The following SPC25 variants were observed in gnomAD, a reference collection of about 807,000 sequenced individuals.
The protein encoded by SPC25 is SPC25 component of NDC80 kinetochore complex.
Under a neutral mutation model 29.6 loss-of-function variants are expected in SPC25, and 22 were observed. That is an observed-to-expected ratio of 0.74 (90% CI 0.53 to 1.06). The LOEUF is 1.06. SPC25 is among the 50% of genes least tolerant of loss of function. SPC25 has a pLI of 0.00. For missense variants in SPC25, 230 were observed against 255.8 expected (o/e 0.90, Z 0.69); for synonymous variants, 91 against 90.4 (o/e 1.01, Z -0.04).
At chr2:168,876,349 A>C (rs998122390) in intron 4 of SPC25, among the ~76,000 whole-genome samples, 173 bp from the exon 5 acceptor site, 5 of 152,068 alleles carry the variant, frequency 3.3e-5, no homozygotes, top group Admixed American at 3.3e-4. Flanking sequence ...CTGTTCATTC[A>C]AGTTGGAAGG....
At chr2:168,888,112 C>T (rs1274287562) in intron 3 of SPC25, among the ~76,000 whole-genome samples, 1 of 152,140 alleles carries the variant, frequency 6.6e-6, no homozygotes, top group East Asian at 1.9e-4. Flanking sequence ...AACCCCATCT[C>T]TACAAAAAAT....
At chr2:168,864,931 G>C in intron 4 of SPC25, 1 of 1,614,098 alleles carries the variant, frequency 6.2e-7, no homozygotes, top group Non-Finnish European at 8.5e-7. Context: ...ATGTGGAGGA[G>C]TTACCTTCAA....
chr2:168,868,906 A>G (rs1382117349), downstream of SPC25, among the ~76,000 whole-genome samples: 7 of 152,334 alleles, frequency 4.6e-5, no homozygotes, highest in East Asian at 7.7e-4. Flanking sequence ...ACAACAAAAA[A>G]AGAGAATTTT....
intron 4 of SPC25, among the ~76,000 whole-genome samples, chr2:168,862,783 T>C (rs1689548042): frequency 6.6e-6 from 1 of 152,104 alleles, no homozygotes; most frequent in African/African-American, 2.4e-5. Context: ...TTAGAAACCA[T>C]GTTTGAATGT....
At chr2:168,889,050 TATATATACATATATATATACAC>T (rs1690339777) in intron 3 of SPC25, among the ~76,000 whole-genome samples, 154 bp downstream of exon 3, 1 of 95,568 alleles carries the variant, frequency 1.0e-5, no homozygotes, top group Non-Finnish European at 2.0e-5. Context: ...TATATACACA[TATATATACATATATATATACAC>T]ATATATATAC....
At chr2:168,873,526 T>C (rs76045986) in intron 6 of SPC25, 59 bp downstream of exon 6, 4 of 1,203,360 alleles carry the variant, frequency 3.3e-6, no homozygotes, top group East Asian at 4.7e-5. Context: ...TATATGCTGA[T>C]TGAAATAACA....
At chr2:168,886,050 CTTTTT>C (rs66484575) in intron 3 of SPC25, among the ~76,000 whole-genome samples, 19 of 97,058 alleles carry the variant, frequency 2.0e-4, no homozygotes, top group African/African-American at 3.3e-4. Context: ...CGAATACAAT[CTTTTT>C]TTTTTTTTTT....
chr2:168,869,220 GC>G (rs1689932066), downstream of SPC25, among the ~76,000 whole-genome samples: 1 of 151,930 alleles, frequency 6.6e-6, no homozygotes, highest in African/African-American at 2.4e-5. Flanking sequence ...AATAATAAGA[GC>G]TATCTATGAC....
Position 168,890,383 on chromosome 2 carries a change from G to A in SPC25, c.-80C>T. On this transcript the variant is annotated 5_prime_UTR_variant, in exon 1 of 7. Transcript: ENST00000282074. ...AGATCCGCGCCCACTCTAGCCAACA[G>A]CCGGACTCTAGGCTCAGCTCCCGCA... 1.0e-6 allele frequency: 1 copy of A among 985,470 alleles called. No individual in the cohort carries two copies. Among genetic ancestry groups the A allele is most frequent in the Non-Finnish European group, 1.2e-6 (1 of 829,982 alleles). The allele number at this position is 985,470 out of a possible 1,614,324, so 61.0% of individuals were successfully genotyped here.
intron 5 of SPC25, among the ~76,000 whole-genome samples, chr2:168,875,706 T>C (rs190400483): frequency 1.3e-5 from 2 of 152,222 alleles, no homozygotes; most frequent in Admixed American, 1.3e-4. Flanking sequence ...TGCTAAACAA[T>C]AGGTAAATGG....
At chr2:168,878,054 C>CT (rs757026871) in intron 3 of SPC25, among the ~76,000 whole-genome samples, 1 of 152,058 alleles carries the variant, frequency 6.6e-6, no homozygotes, top group Non-Finnish European at 1.5e-5. Context: ...AAGCCTCACT[C>CT]TAATGCTATA....
chr2:168,873,937 A>G (rs1199422205), intron 5 of SPC25, among the ~76,000 whole-genome samples: 2 of 152,180 alleles, frequency 1.3e-5, no homozygotes, highest in African/African-American at 2.4e-5. Context: ...AAAGAACACT[A>G]TCAAGAGAAG....
At chr2:168,889,022 CACATATATAT>C (rs1288860908) in intron 3 of SPC25, among the ~76,000 whole-genome samples, 194 bp downstream of exon 3, 2 of 56,228 alleles carry the variant, frequency 3.6e-5, no homozygotes, top group Admixed American at 1.7e-4. Flanking sequence ...TATATATATA[CACATATATAT>C]ACATATATAT....
downstream of SPC25, among the ~76,000 whole-genome samples, chr2:168,869,415 T>C (rs1683694354): frequency 6.6e-6 from 1 of 152,212 alleles, no homozygotes; most frequent in South Asian, 2.1e-4. Context: ...GGAACTCAAA[T>C]TGTCCCTGTT....
chr2:168,876,342 T>G (rs1309227410), intron 4 of SPC25, among the ~76,000 whole-genome samples, 166 bp from the exon 5 acceptor site: 1 of 152,098 alleles, frequency 6.6e-6, no homozygotes, highest in African/African-American at 2.4e-5. Flanking sequence ...GAAGCTTCTG[T>G]TCATTCAAGT....
intron 4 of SPC25, among the ~76,000 whole-genome samples, chr2:168,865,870 C>T (rs954788931): frequency 2.0e-5 from 3 of 152,242 alleles, no homozygotes; most frequent in Admixed American, 1.3e-4. Context: ...CTCCCATTCA[C>T]AATTGCTTCA....
intron 6 of SPC25, among the ~76,000 whole-genome samples, 175 bp downstream of exon 6, chr2:168,873,410 A>G (rs1010026453): frequency 6.6e-6 from 1 of 152,200 alleles, no homozygotes; most frequent in Non-Finnish European, 1.5e-5. Context: ...GACAGTATCT[A>G]TAAATCAAGA....
In SPC25 at chr2:168,889,068, T is replaced by C. The variant is rs201644459; in HGVS notation, c.199+158A>G. Among the ~76,000 whole-genome samples, 21 of 40,348 alleles carry C rather than the reference T, an allele frequency of 5.2e-4. No individual in the cohort carries two copies. The highest frequency in any genetic ancestry group is 3.0e-4 in the Non-Finnish European group (6 of 19,908). 26.5% of individuals were successfully genotyped at this position (40,348 alleles called of 152,430 possible). ...ATACACATATATATACATATATATA[T>C]ACACATATATATACATATATATACA... On this transcript the variant is annotated intron_variant, in intron 3 of 6. Coordinates refer to ENST00000282074, the MANE Select transcript of SPC25 (RefSeq NM_020675.4).
intron 3 of SPC25, among the ~76,000 whole-genome samples, chr2:168,881,314 C>T (rs1223379209): frequency 6.6e-6 from 1 of 152,232 alleles, no homozygotes; most frequent in Non-Finnish European, 1.5e-5. Flanking sequence ...CCACCCCTTT[C>T]TCACACACAT....
Sources: allele counts gnomAD v4.1 joint callset (sites outside exome capture counted in the v4.1 genomes callset), GRCh38; gene constraint gnomAD v4.1.1; transcripts MANE v1.5; gene names NCBI Gene and HGNC (gene_info 2026-07-23, HGNC 2026-07-21).